TTC28: variants seen among roughly 807,000 people sequenced by gnomAD.
The protein encoded by TTC28 is tetratricopeptide repeat protein 28.
A neutral mutation model predicts 198.0 loss-of-function variants in TTC28; 61 were observed. The ratio of observed to expected loss-of-function variants is 0.31; its 90% confidence interval spans 0.25 to 0.38. The LOEUF (loss-of-function observed/expected upper bound fraction) is 0.38. Among genes scored for constraint, TTC28 ranks in the 10% least tolerant of loss-of-function variants. The pLI is 1.00. For synonymous variants in TTC28, 1,171 were observed against 1,297.8 expected, an observed-to-expected ratio of 0.90 and a Z score of 2.10; for missense variants, 2,678 against 3,164.0, an observed-to-expected ratio of 0.85 and a Z score of 3.69.
At chr22:28,353,300 T>A (rs1237306276) in intron 2 of TTC28, among the ~76,000 whole-genome samples, 1 of 152,152 alleles carries the variant, frequency 6.6e-6, no homozygotes, top group Non-Finnish European at 1.5e-5. Flanking sequence ...ATTTTTAAAA[T>A]TTAAATGAAT....
At chr22:28,029,819 T>A (rs2146629378) in intron 13 of TTC28, among the ~76,000 whole-genome samples, 1 of 152,234 alleles carries the variant, frequency 6.6e-6, no homozygotes, top group South Asian at 2.1e-4. Context: ...CTCCCTGACC[T>A]CCCCGAATCT....
chr22:28,314,103 C>G (rs2045313617), intron 2 of TTC28, among the ~76,000 whole-genome samples: 1 of 152,066 alleles, frequency 6.6e-6, no homozygotes, highest in Non-Finnish European at 1.5e-5. Context: ...GAGTGAACTC[C>G]CATTCACAAC....
intron 5 of TTC28, among the ~76,000 whole-genome samples, chr22:28,232,553 T>A (rs969130840): frequency 6.6e-6 from 1 of 152,194 alleles, no homozygotes; most frequent in Admixed American, 6.5e-5. Flanking sequence ...CCCTTTCTCT[T>A]AACATTTGTT....
At chr22:28,088,840 A>G (rs1432211661) in intron 12 of TTC28, among the ~76,000 whole-genome samples, 5 of 152,354 alleles carry the variant, frequency 3.3e-5, no homozygotes, top group African/African-American at 1.2e-4. Flanking sequence ...AACCTCATCA[A>G]AAAGTGGGCG....
At chr22:28,440,834 A>G (rs142690031) in intron 2 of TTC28, among the ~76,000 whole-genome samples, 12 of 152,300 alleles carry the variant, frequency 7.9e-5, no homozygotes, top group African/African-American at 2.9e-4. Flanking sequence ...CTGGTGCCCT[A>G]CCAGAGTTGG....
At chr22:28,296,072 C>G (rs2044888433) in intron 5 of TTC28, 126 bp downstream of exon 5, 1 of 1,022,112 alleles carries the variant, frequency 9.8e-7, no homozygotes, top group Non-Finnish European at 1.4e-6. Context: ...CAGTAAGTCT[C>G]AAGTAATACT....
chr22:28,185,743 T>C (rs910851338), intron 5 of TTC28, among the ~76,000 whole-genome samples: 5 of 152,112 alleles, frequency 3.3e-5, no homozygotes, highest in Admixed American at 6.6e-5. Flanking sequence ...AATTATGATA[T>C]ATCAGATGCT....
intron 12 of TTC28, among the ~76,000 whole-genome samples, chr22:28,062,974 A>T (rs1338371575): frequency 6.6e-6 from 1 of 152,172 alleles, no homozygotes; most frequent in Non-Finnish European, 1.5e-5. Context: ...TTGCAGTGTA[A>T]CCTGGACATT....
At chr22:28,671,635 A>G (rs2051888088) in intron 1 of TTC28, among the ~76,000 whole-genome samples, 1 of 97,704 alleles carries the variant, frequency 1.0e-5, no homozygotes, top group Non-Finnish European at 2.1e-5. Context: ...ACTCCATCTC[A>G]AAAAAAAAAA....
rs956737993 is a variant in TTC28, at chr22:28,083,863, T to C, written c.3932+10217A>G. ...TAACAAATGGCACACTAGGAGATTA[T>C]ATCCCGCACCTGGCTCAGAGGGTCC... On this transcript the variant is annotated intron_variant, in intron 12 of 22. Coordinates refer to ENST00000397906, the MANE Select transcript of TTC28 (RefSeq NM_001145418.2). Among the ~76,000 whole-genome samples, 9 of 152,226 alleles carry C rather than the reference T, an allele frequency of 5.9e-5. No homozygotes were observed. The East Asian group carries it at 7.7e-4, about 13-fold the overall frequency.
intron 2 of TTC28, among the ~76,000 whole-genome samples, chr22:28,363,852 G>A (rs2145968207): frequency 6.6e-6 from 1 of 152,224 alleles, no homozygotes; most frequent in South Asian, 2.1e-4. Flanking sequence ...CTTCCATTTG[G>A]AATGGCTGTA....
At chr22:28,671,273 T>C (rs1237369450) in intron 1 of TTC28, among the ~76,000 whole-genome samples, 2 of 152,096 alleles carry the variant, frequency 1.3e-5, no homozygotes, top group Non-Finnish European at 2.9e-5. Context: ...GTTGTCCTTT[T>C]ATCATTGCAT....
At chr22:28,588,922 C>T (rs5762704) in intron 2 of TTC28, among the ~76,000 whole-genome samples, 1 of 152,260 alleles carries the variant, frequency 6.6e-6, no homozygotes, top group East Asian at 1.9e-4. Context: ...CTGTTCTTGC[C>T]GTTAATTTTT....
At chr22:28,364,127 A>C (rs958604545) in intron 2 of TTC28, among the ~76,000 whole-genome samples, 4 of 152,176 alleles carry the variant, frequency 2.6e-5, no homozygotes, top group African/African-American at 9.7e-5. Context: ...TCTCATCTTG[A>C]ATTCCCATGT....
At chr22:28,225,886 G>A (rs1428576697) in intron 5 of TTC28, among the ~76,000 whole-genome samples, 1 of 152,160 alleles carries the variant, frequency 6.6e-6, no homozygotes, top group Non-Finnish European at 1.5e-5. Flanking sequence ...AAATCATTTT[G>A]TAGATACTCT....
chr22:28,070,540 G>C (rs1940925700), intron 12 of TTC28, among the ~76,000 whole-genome samples: 1 of 152,156 alleles, frequency 6.6e-6, no homozygotes. Context: ...TCAGCACTTT[G>C]GGAGGACAAG....
chr22:28,276,223 G>C (rs1234451236), intron 5 of TTC28, among the ~76,000 whole-genome samples: 3 of 151,872 alleles, frequency 2.0e-5, no homozygotes, highest in African/African-American at 7.3e-5. Context: ...ATGTTGCCCA[G>C]GCTGCTCTCA....
chr22:28,095,640 C>T (rs973481119), intron 11 of TTC28, among the ~76,000 whole-genome samples: 3 of 152,084 alleles, frequency 2.0e-5, no homozygotes, highest in South Asian at 2.1e-4. Flanking sequence ...ACTGTTACAG[C>T]CTGAACATTT....
chr22:28,208,808 A>T (rs1159623056), intron 5 of TTC28, among the ~76,000 whole-genome samples: 1 of 152,134 alleles, frequency 6.6e-6, no homozygotes, highest in Non-Finnish European at 1.5e-5. Flanking sequence ...GAAATGATAG[A>T]TCTGAAACCA....
Sources: gnomAD v4.1 joint callset for allele counts (sites outside exome capture counted in the v4.1 genomes callset) on GRCh38, gnomAD v4.1.1 for gene constraint, MANE v1.5 for transcripts, NCBI Gene and HGNC (gene_info 2026-07-23, HGNC 2026-07-21) for gene names.